The following NECAB2 variants were observed in gnomAD, a reference collection of about 807,000 sequenced individuals.
NECAB2 encodes N-terminal EF-hand calcium-binding protein 2.
Under a neutral mutation model 51.9 loss-of-function variants are expected in NECAB2, and 68 were observed. That is an observed-to-expected ratio of 1.31 (90% CI 1.08 to 1.60). The LOEUF is 1.60. Among genes scored for constraint, NECAB2 ranks in the 40% most tolerant of loss-of-function variants. NECAB2 has a pLI of 0.00. For synonymous variants in NECAB2, 329 were observed against 203.5 expected (o/e 1.62, Z -5.25); for missense variants, 854 against 490.3 (o/e 1.74, Z -7.00).
intron 6 of NECAB2, among the ~76,000 whole-genome samples, chr16:83,992,381 C>CG (rs60031114): frequency 1.4e-5 from 2 of 145,188 alleles, no homozygotes; most frequent in African/African-American, 2.7e-5. Flanking sequence ...CACCCGTCCC[C>CG]CCGCCCACCT....
chr16:83,985,033 C>A (rs754850390), intron 5 of NECAB2, among the ~76,000 whole-genome samples: 10 of 152,148 alleles, frequency 6.6e-5, no homozygotes, highest in Non-Finnish European at 1.3e-4. Context: ...TTGATGGGGG[C>A]TGGGTGCAGT....
At chr16:84,000,895 G>A (rs36160302) in intron 11 of NECAB2, 94 bp downstream of exon 11, 1 of 1,278,970 alleles carries the variant, frequency 7.8e-7, no homozygotes, top group South Asian at 1.2e-5. Flanking sequence ...GGGAGGGTAA[G>A]GCCGAGTCCA....
rs773162010 is a variant in NECAB2, at chr16:84,002,327, G to T, written c.1142G>T (p.Cys381Phe). The change falls in exon 13 of 13, where the codon TGC becomes TTC. Residue 381 changes from cysteine to phenylalanine, a missense_variant. Physicochemically the swap from Cys to Phe is radical, Grantham distance 205. Coordinates refer to ENST00000305202, the MANE Select transcript of NECAB2 (RefSeq NM_019065.3). Reference sequence around the variant, plus strand: ...GTCTCTCTCCTTTTAGCTGCTTGGTGCACGGTGGGACGGGACTGACAGCCT... The same window carrying T: ...GTCTCTCTCCTTTTAGCTGCTTGGTTCACGGTGGGACGGGACTGACAGCCT... Reference protein sequence around the residue: ...LSRILVPAAWCTVGRD With the variant: ...LSRILVPAAWFTVGRD 3.1e-6 allele frequency: 5 copies of T among 1,613,974 alleles called. No homozygotes were observed. In the Admixed American group the frequency reaches 8.3e-5, roughly 27 times the overall value.
At chr16:84,001,495 CTTCGCAG>C (rs2084834521) in intron 11 of NECAB2, among the ~76,000 whole-genome samples, 1 of 152,154 alleles carries the variant, frequency 6.6e-6, no homozygotes, top group African/African-American at 2.4e-5. Flanking sequence ...GACTAAAAGC[CTTCGCAG>C]CTTCTGTGTT....
chr16:83,999,896 T>TGC (rs1443876498), intron 10 of NECAB2, among the ~76,000 whole-genome samples: 1 of 147,936 alleles, frequency 6.8e-6, no homozygotes, highest in African/African-American at 2.7e-5. Flanking sequence ...TTAAAGGTTT[T>TGC]TTGAGACCAA....
At chr16:84,000,139 G>C (rs1484798078) in intron 10 of NECAB2, among the ~76,000 whole-genome samples, 2 of 151,938 alleles carry the variant, frequency 1.3e-5, no homozygotes, top group Admixed American at 1.3e-4. Context: ...TAATCCACCT[G>C]CCTCGACCCC....
chr16:83,997,582 G>A (rs567605334), intron 9 of NECAB2, among the ~76,000 whole-genome samples: 5 of 147,918 alleles, frequency 3.4e-5, no homozygotes, highest in Admixed American at 1.4e-4. Context: ...CTGCCTCCTG[G>A]GTTCAAGCAA....
At chr16:83,993,944 C>A (rs1165716223) in intron 6 of NECAB2, among the ~76,000 whole-genome samples, 1 of 152,108 alleles carries the variant, frequency 6.6e-6, no homozygotes, top group Non-Finnish European at 1.5e-5. Context: ...GGGACTTGGT[C>A]ACTCCACAGC....
intron 12 of NECAB2, among the ~76,000 whole-genome samples, 179 bp from the exon 13 acceptor site, chr16:84,002,139 C>T (rs2084849115): frequency 6.6e-6 from 1 of 152,218 alleles, no homozygotes; most frequent in Non-Finnish European, 1.5e-5. Context: ...CCCCTACTTC[C>T]AGCCAGACTG....
At chr16:83,989,631 A>G (rs2084596733) in intron 5 of NECAB2, among the ~76,000 whole-genome samples, 2 of 152,142 alleles carry the variant, frequency 1.3e-5, no homozygotes, top group Non-Finnish European at 2.9e-5. Flanking sequence ...ATCCCCCAAC[A>G]CAGCATCATT....
chr16:83,990,385 G>C (rs2084606959), intron 5 of NECAB2, 109 bp from the exon 6 acceptor site: 8 of 1,443,948 alleles, frequency 5.5e-6, no homozygotes, highest in Non-Finnish European at 6.7e-6. Flanking sequence ...CCTTCCCTTT[G>C]CAAAGCAAAT....
rs77681875 is a variant in NECAB2 at position 83,999,184 on chromosome 16, G to A, written c.962+867G>A. 5.6e-3 allele frequency among the ~76,000 whole-genome samples: 858 copies of A among 152,320 alleles called. 5 individuals carry two copies. Among genetic ancestry groups the A allele is most frequent in the African/African-American group, 0.02 (815 of 41,582 alleles). On this transcript the variant is annotated intron_variant, in intron 10 of 12. Transcript: ENST00000305202. ...ACAACAGCCTGACCTGTAGCACGAG[G>A]GGAGGAGTAGCCTGGGCAGGAGTGC...
At chr16:83,999,488 T>C (rs34175024) in intron 10 of NECAB2, among the ~76,000 whole-genome samples, 20,392 of 151,986 alleles carry the variant, frequency 0.13, 2,109 homozygotes, top group African/African-American at 0.29. Flanking sequence ...TTCCCAGGCA[T>C]GGTGCACCTA....
chr16:83,968,417 A>T lies in NECAB2; in HGVS notation c.-232A>T, dbSNP rs1385011686. ...CCCCTCGCCCCGGCGGGCAGTCCTC[A>T]GGCCCCGCGCCCGGCCGGCGGGGGT... On this transcript the variant is annotated 5_prime_UTR_variant, in exon 1 of 13. Transcript: ENST00000305202. Among the ~76,000 whole-genome samples the T allele has an allele frequency of 6.8e-6, 1 of 147,382 alleles. No homozygotes were observed. Among genetic ancestry groups the T allele is most frequent in the Non-Finnish European group, 1.5e-5 (1 of 66,520 alleles).
At position 84,002,463 on chromosome 16, in the gene NECAB2, A is replaced by C. The variant is rs552049305; in HGVS notation, c.*117A>C. 3.1e-5 allele frequency: 42 copies of C among 1,336,980 alleles called. No homozygotes were observed. Among genetic ancestry groups the C allele is most frequent in the Non-Finnish European group, 4.4e-5 (41 of 941,352 alleles). The allele number at this position is 1,336,980 out of a possible 1,614,324, so 82.8% of individuals were successfully genotyped here. A position where few individuals can be genotyped will look rare whatever the true frequency, so the allele number is the denominator to read the frequency against. ...AGCTTCTTTTCAATCCATCCTCCAC[A>C]AGAAGGTGTTTCCCTGTTGTTAAGT... On this transcript the variant is annotated 3_prime_UTR_variant, in exon 13 of 13. Transcript: ENST00000305202.
intron 5 of NECAB2, 149 bp from the exon 6 acceptor site, chr16:83,990,345 G>A: frequency 9.8e-7 from 1 of 1,017,628 alleles, no homozygotes; most frequent in South Asian, 1.6e-5. Flanking sequence ...CAGCCTCTAA[G>A]ACTGGACCCC....
chr16:83,990,055 A>T (rs1313718681), intron 5 of NECAB2, among the ~76,000 whole-genome samples: 3 of 152,156 alleles, frequency 2.0e-5, no homozygotes, highest in East Asian at 3.9e-4. Context: ...TTGCCTGATC[A>T]TTATCCTTGT....
At chr16:83,974,027 G>A (rs1273617800) in intron 2 of NECAB2, among the ~76,000 whole-genome samples, 1 of 144,710 alleles carries the variant, frequency 6.9e-6, no homozygotes, top group Non-Finnish European at 1.5e-5. Context: ...CCCATCAGAG[G>A]CCATGTGTCC....
chr16:83,970,205 G>A (rs1181750796), intron 1 of NECAB2, among the ~76,000 whole-genome samples: 2 of 152,172 alleles, frequency 1.3e-5, no homozygotes, highest in Non-Finnish European at 2.9e-5. Flanking sequence ...TGATGAGCGG[G>A]GGGTGGGGCG....
Sources: gnomAD v4.1 joint callset for allele counts (sites outside exome capture counted in the v4.1 genomes callset) on GRCh38, gnomAD v4.1.1 for gene constraint, MANE v1.5 for transcripts, NCBI Gene and HGNC (gene_info 2026-07-23, HGNC 2026-07-21) for gene names.